The following SRPK3 variants were observed in gnomAD, a reference collection of about 807,000 sequenced individuals.
SRPK3 encodes SFRS protein kinase 3.
SRPK3 carries 26 observed loss-of-function variants against 45.3 expected under a neutral mutation model. That is an observed-to-expected ratio of 0.57 (90% CI 0.42 to 0.80). SRPK3 has a LOEUF of 0.80. Ranked by LOEUF, SRPK3 falls within the 30% of genes least tolerant of loss-of-function variation. The probability of loss-of-function intolerance (pLI) is 0.00; values close to 1 mark genes in which losing one functional copy is unlikely to be tolerated. For synonymous variants in SRPK3, 254 were observed against 226.6 expected (o/e 1.12, Z -1.09); for missense variants, 536 against 514.5 (o/e 1.04, Z -0.40).
rs142825718 is a variant in SRPK3, at chrX:153,784,327, C to T, written c.1181C>T (p.Pro394Leu). The change falls in exon 11 of 15, where the codon CCC (proline) becomes CTC (leucine). Residue 394 changes from proline (P) to leucine (L), a missense_variant. Pro to Leu is a moderately conservative substitution (Grantham distance 98). Coordinates refer to ENST00000370101, the MANE Select transcript of SRPK3 (RefSeq NM_014370.4). ...GGTGCCTCGAACCTCCTGGTGAACC[C>T]CCTGGAGCCCCAAAATGCAGATAAG... ...PFGASNLLVN[P>L]LEPQNADKIK... The T allele has an allele frequency of 2.7e-5, 33 of 1,210,131 alleles. No homozygotes were observed. The African/African-American group carries it at 5.6e-4, about 20-fold the overall frequency.
In SRPK3 at chrX:153,784,352, G is replaced by A. The variant is rs367892708; in HGVS notation, c.1206G>A (p.Lys402=). The A allele has an allele frequency of 1.7e-6, 2 of 1,211,245 alleles. No homozygotes were observed. The highest frequency in any genetic ancestry group is 1.7e-5 in the African/African-American group (1 of 57,867). ...VNPLEPQNAD[K]IKIKIADLGN... ...CCCTGGAGCCCCAAAATGCAGATAA[G>A]ATCAAGATCAAGATCGCAGACCTGG... is the stretch of plus-strand genomic sequence containing the variant. Residue 402 remains lysine, a synonymous_variant, in exon 11 of 15, where the codon AAG becomes AAA. Coordinates refer to ENST00000370101, the MANE Select transcript of SRPK3 (RefSeq NM_014370.4).
At chrX:153,784,576 A>G in intron 11 of SRPK3, 174 bp from the exon 12 acceptor site, 1 of 718,228 alleles carries the variant, frequency 1.4e-6, no homozygotes, top group East Asian at 3.5e-5. Context: ...CTAGGAAGGG[A>G]TCAGCCTCAG....
intron 4 of SRPK3, 52 bp downstream of exon 4, chrX:153,781,882 T>C: frequency 3.4e-6 from 4 of 1,175,920 alleles, no homozygotes; most frequent in Non-Finnish European, 3.5e-6. Flanking sequence ...GCCTGGGGCC[T>C]GGCAATGCGG....
Position 153,784,334 on chromosome X carries a change from G to T in SRPK3, c.1188G>T (p.Glu396Asp). 1 of 1,211,417 alleles carries T rather than the reference G, an allele frequency of 8.3e-7. No individual in the cohort carries two copies. The change falls in exon 11 of 15, where the codon GAG becomes GAT. Residue 396 changes from glutamate (E) to aspartate (D), a missense_variant. Coordinates refer to ENST00000370101, the MANE Select transcript of SRPK3 (RefSeq NM_014370.4). The stretch of plus-strand genomic sequence containing the variant: ...CGAACCTCCTGGTGAACCCCCTGGA[G>T]CCCCAAAATGCAGATAAGATCAAGA... ...GASNLLVNPL[E>D]PQNADKIKIK...
chrX:153,781,646 C>A (rs782779139), intron 3 of SRPK3, 33 bp downstream of exon 3: 2 of 1,201,480 alleles, frequency 1.7e-6, no homozygotes, highest in African/African-American at 3.5e-5. Context: ...GGGCCCAGCA[C>A]TGGCTGGGAT....
In SRPK3 at chrX:153,784,074, C is replaced by T. The variant is rs144974869; in HGVS notation, c.1008C>T (p.Pro336=). 1.5e-4 allele frequency: 185 copies of T among 1,209,033 alleles called. No individual in the cohort carries two copies. In the African/African-American group the frequency reaches 2.4e-3, roughly 15 times the overall value. ...GTCCCTCCCCAGCCTCTTCCTCCCCCGCCCCAGGGGGCGGCCGTAGCCTCA... is the reference window on the plus strand; with the variant it reads ...GTCCCTCCCCAGCCTCTTCCTCCCCTGCCCCAGGGGGCGGCCGTAGCCTCA... ...RAGPSPASSS[P]APGGGRSLSA... The change falls in exon 10 of 15, where the codon CCC becomes CCT. Residue 336 remains proline, a synonymous_variant. Transcript: ENST00000370101.
Position 153,783,993 on chromosome X carries a change from C to A in SRPK3, c.927C>A (p.Asp309Glu), listed in dbSNP as rs375444506. Residue 309 changes from aspartate to glutamate, a missense_variant, in exon 10 of 15, where the codon GAC becomes GAA. Transcript: ENST00000370101. ...CCCCAGACTCTGGCTTGAGACTAGA[C>A]GGGGGCAGCGGCTCCACATCCTCTT... ...TQAEDSGLRL[D>E]GGSGSTSSSG... 1 of 1,199,581 alleles carries A rather than the reference C, an allele frequency of 8.3e-7. No homozygotes were observed. The highest frequency in any genetic ancestry group is 1.7e-5 in the African/African-American group (1 of 57,498).
At position 153,784,794 on chromosome X, in the gene SRPK3, C is replaced by A. The variant is rs782572978; in HGVS notation, c.1293C>A (p.Ala431=). 2 of 1,210,601 alleles carry A rather than the reference C, an allele frequency of 1.7e-6. No homozygotes were observed. Among genetic ancestry groups the A allele is most frequent in the Admixed American group, 4.3e-5 (2 of 46,092 alleles). ...ACATCCAGACTCGGCAGTACCGGGC[C>A]GTCGAGGTGCTGATCGGCGCCGAAT... ...TEDIQTRQYR[A]VEVLIGAEYG... The change falls in exon 12 of 15, where the codon GCC becomes GCA. Residue 431 remains alanine, a synonymous_variant. Coordinates refer to ENST00000370101, the MANE Select transcript of SRPK3 (RefSeq NM_014370.4).
At chrX:153,783,603 T>C in intron 8 of SRPK3, 149 bp from the exon 9 acceptor site, 1 of 941,932 alleles carries the variant, frequency 1.1e-6, no homozygotes, top group Non-Finnish European at 1.4e-6. Flanking sequence ...GAGTAGCTGG[T>C]GCCAAGGGGC....
intron 8 of SRPK3, 57 bp from the exon 9 acceptor site, chrX:153,783,695 A>G (rs2092065938): frequency 8.3e-7 from 1 of 1,199,927 alleles, no homozygotes; most frequent in Non-Finnish European, 1.1e-6. Context: ...GGAAACCTCC[A>G]CTTCATGCTG....
chrX:153,781,372 G>A (rs199983770), intron 2 of SRPK3, 26 bp downstream of exon 2: 76 of 1,174,911 alleles, frequency 6.5e-5, no homozygotes, highest in East Asian at 4.8e-4. Flanking sequence ...GGGGACATGC[G>A]GCCTCACGGC....
Position 153,783,035 on chromosome X carries a change from TG to T in SRPK3, c.670del (p.Asp224ThrfsTer26). 8.5e-7 allele frequency: 1 copy of T among 1,183,081 alleles called. No individual in the cohort carries two copies. Among genetic ancestry groups the T allele is most frequent in the Non-Finnish European group, 1.1e-6 (1 of 880,695 alleles). ...AAGCCCGAGAACATCTTGCTGTGTG[TG>T]GGGGACGCTTACATCAGGCGCCTGG... Reference protein sequence around the residue: ...DIKPENILLCVGDAYIRRLAA... With the variant: ...DIKPENILLCXGDAYIRRLAA... On this transcript the variant is annotated frameshift_variant, in exon 7 of 15. Transcript: ENST00000370101. LOFTEE classifies it high-confidence loss of function.
At position 153,784,368 on chromosome X, in the gene SRPK3, G is replaced by A. The variant is rs1557068204; in HGVS notation, c.1222G>A (p.Ala408Thr). Residue 408 changes from alanine to threonine, a missense_variant, in exon 11 of 15, where the codon GCA becomes ACA. Physicochemically the swap from Ala to Thr is moderately conservative, Grantham distance 58. Transcript: ENST00000370101. ...TGCAGATAAGATCAAGATCAAGATCGCAGACCTGGGCAACGCCTGCTGGGT... is the reference window on the plus strand; with the variant it reads ...TGCAGATAAGATCAAGATCAAGATCACAGACCTGGGCAACGCCTGCTGGGT... The part of the protein sequence containing the change: ...QNADKIKIKI[A>T]DLGNACWVHK... 4 of 1,211,110 alleles carry A rather than the reference G, an allele frequency of 3.3e-6. No individual in the cohort carries two copies. Among genetic ancestry groups the A allele is most frequent in the East Asian group, 3.0e-5 (1 of 33,835 alleles).
intron 5 of SRPK3, 139 bp downstream of exon 5, chrX:153,782,347 C>A (rs1569542447): frequency 2.0e-6 from 1 of 507,945 alleles, no homozygotes; most frequent in Non-Finnish European, 3.4e-6. Context: ...GGCACGACCC[C>A]GCCCCCAGGT....
rs782642747 is a variant in SRPK3 at position 153,781,209 on chromosome X, C to G, written c.60-7C>G. 8.3e-6 allele frequency: 10 copies of G among 1,205,813 alleles called. No individual in the cohort carries two copies. The highest frequency in any genetic ancestry group is 1.8e-5 in the South Asian group (1 of 56,189). On this transcript the variant is annotated splice_region_variant and splice_polypyrimidine_tract_variant and intron_variant, in intron 1 of 14. Transcript: ENST00000370101. Reference sequence around the variant, plus strand: ...CTCATGCCCACTGCCACTCACCCCACCCGCAGCTCACAGGCCTCCTGCGGG... The same window carrying G: ...CTCATGCCCACTGCCACTCACCCCAGCCGCAGCTCACAGGCCTCCTGCGGG...
rs782702227 is a variant in SRPK3, at chrX:153,785,550, C to T, written c.*30C>T. The T allele has an allele frequency of 5.5e-5, 65 of 1,189,845 alleles. No individual in the cohort carries two copies. In the Admixed American group the frequency reaches 8.4e-4, roughly 15 times the overall value. On this transcript the variant is annotated 3_prime_UTR_variant, in exon 15 of 15. Transcript: ENST00000370101. ...GGCTGTGGCTCCACCTCCAGCTCTC[C>T]GTGCCTTAAGGGAAAAGCGGGACAG... is the stretch of plus-strand genomic sequence containing the variant.
At position 153,785,413 on chromosome X, in the gene SRPK3, G is replaced by C; in HGVS notation, c.1597G>C (p.Glu533Gln). ...VLMEKYEWPL[E>Q]QATQFSAFLL... ...CATGGAAAAGTACGAGTGGCCCCTA[G>C]AGCAGGCCACACAGTTCAGCGCCTT... The change falls in exon 15 of 15, where the codon GAG (glutamate) becomes CAG (glutamine). Residue 533 changes from glutamate to glutamine, a missense_variant. Physicochemically the swap from Glu to Gln is conservative, Grantham distance 29. Transcript: ENST00000370101. 1 of 1,211,159 alleles carries C rather than the reference G, an allele frequency of 8.3e-7. No homozygotes were observed. Among genetic ancestry groups the C allele is most frequent in the East Asian group, 3.0e-5 (1 of 33,847 alleles).
rs782271445 is a variant in SRPK3, at chrX:153,783,877, G to C, written c.900G>C (p.Gln300His). ...TGGAGGCCATGGAGGCTGCCACCCAGGCTGAGGGTGAGGGGCCACAGAGGG... is the reference window on the plus strand; with the variant it reads ...TGGAGGCCATGGAGGCTGCCACCCACGCTGAGGGTGAGGGGCCACAGAGGG... ...QRLEAMEAAT[Q>H]AEDSGLRLDG... Residue 300 changes from glutamine (Q) to histidine (H), a missense_variant, in exon 9 of 15, where the codon CAG becomes CAC. By Grantham distance (24) the Gln-to-His change is conservative (BLOSUM62 0). Coordinates refer to ENST00000370101, the MANE Select transcript of SRPK3 (RefSeq NM_014370.4). The C allele has an allele frequency of 2.3e-5, 27 of 1,189,114 alleles. No homozygotes were observed. Among genetic ancestry groups the C allele is most frequent in the Non-Finnish European group, 3.1e-5 (27 of 885,110 alleles).
Position 153,784,961 on chromosome X carries a change from C to A in SRPK3, c.1384C>A (p.Leu462Met), listed in dbSNP as rs782448840. The change falls in exon 13 of 15, where the codon CTG becomes ATG. Residue 462 changes from leucine to methionine, a missense_variant. Leu to Met is a conservative substitution (Grantham distance 15, BLOSUM62 2). Transcript: ENST00000370101. ...MAFELATGDY[L>M]FEPHSGEDYS... is the part of the protein sequence containing the mutation. ...CTTCGAGCTGGCCACTGGTGACTAC[C>A]TGTTCGAGCCGCATTCTGGAGAAGA... The A allele has an allele frequency of 3.3e-6, 4 of 1,210,358 alleles. No individual in the cohort carries two copies. The East Asian group carries it at 1.2e-4, about 36-fold the overall frequency.
Sources: allele counts gnomAD v4.1 joint callset, GRCh38; gene constraint gnomAD v4.1.1; transcripts MANE v1.5; gene names NCBI Gene and HGNC (gene_info 2026-07-23, HGNC 2026-07-21).